The following MRPS6 variants were observed in gnomAD, a reference collection of about 807,000 sequenced individuals.
MRPS6 encodes the protein small ribosomal subunit protein bS6m.
In MRPS6, 6 loss-of-function variants were observed where a neutral mutation model predicts 13.1. The observed-to-expected ratio is 0.46, with a 90% confidence interval of 0.25 to 0.91. The LOEUF (loss-of-function observed/expected upper bound fraction) is 0.91, where lower values mean the gene tolerates loss of function less well. MRPS6 is among the 40% of genes least tolerant of loss of function. The probability of loss-of-function intolerance (pLI) is 0.18; values close to 1 mark genes in which losing one functional copy is unlikely to be tolerated. For synonymous variants in MRPS6, 61 were observed against 56.5 expected, an observed-to-expected ratio of 1.08 and a Z score of -0.36; for missense variants, 164 against 155.6, an observed-to-expected ratio of 1.05 and a Z score of -0.29.
At chr21:34,086,514 TG>T (rs1317953278) in intron 1 of MRPS6, among the ~76,000 whole-genome samples, 2 of 80,646 alleles carry the variant, frequency 2.5e-5, no homozygotes, top group Non-Finnish European at 5.1e-5. Flanking sequence ...TTCTAGTTTG[TG>T]TTTGTGTGTG....
At chr21:34,104,377 C>G (rs1447376435) in intron 1 of MRPS6, 11 of 1,000,092 alleles carry the variant, frequency 1.1e-5, no homozygotes, top group Non-Finnish European at 1.3e-5. Flanking sequence ...CTCCTCACTT[C>G]ACCTCCGAGT....
At chr21:34,076,399 A>C (rs1487333022) in intron 1 of MRPS6, among the ~76,000 whole-genome samples, 1 of 152,204 alleles carries the variant, frequency 6.6e-6, no homozygotes, top group African/African-American at 2.4e-5. Context: ...AGTTGCGGGA[A>C]TGCCCATTGA....
chr21:34,095,280 A>G (rs1188554414), intron 1 of MRPS6: 4 of 1,613,976 alleles, frequency 2.5e-6, no homozygotes, highest in Non-Finnish European at 2.5e-6. Context: ...TTTTTTTGCC[A>G]TGTGGAAATC....
At chr21:34,099,046 T>C in intron 1 of MRPS6, 1 of 990,386 alleles carries the variant, frequency 1.0e-6, no homozygotes, top group Non-Finnish European at 1.2e-6. Flanking sequence ...TGGACTTGAT[T>C]AGTCCAAAGT....
chr21:34,136,824 G>T (rs768575111), intron 2 of MRPS6, among the ~76,000 whole-genome samples: 5 of 152,052 alleles, frequency 3.3e-5, no homozygotes, highest in Non-Finnish European at 5.9e-5. Context: ...TGTGTCTAAG[G>T]AAACTTTGCT....
chr21:34,076,338 A>G (rs1355647833), intron 1 of MRPS6, among the ~76,000 whole-genome samples: 3 of 152,312 alleles, frequency 2.0e-5, no homozygotes, highest in East Asian at 3.9e-4. Flanking sequence ...TTTAAAATTT[A>G]AAATACAGGC....
chr21:34,132,638 C>A (rs565961208), intron 2 of MRPS6, among the ~76,000 whole-genome samples: 1 of 152,300 alleles, frequency 6.6e-6, no homozygotes, highest in South Asian at 2.1e-4. Flanking sequence ...GCAAGAGATA[C>A]AGTATACAGA....
intron 2 of MRPS6, 129 bp downstream of exon 2, chr21:34,125,609 C>A: frequency 7.4e-7 from 1 of 1,345,582 alleles, no homozygotes; most frequent in South Asian, 1.5e-5. Flanking sequence ...CCTTTGGGTA[C>A]ACACTCTGGC....
chr21:34,110,210 T>A (rs1468987672), intron 1 of MRPS6, among the ~76,000 whole-genome samples: 1 of 152,128 alleles, frequency 6.6e-6, no homozygotes, highest in African/African-American at 2.4e-5. Flanking sequence ...TGCCTGTAAT[T>A]CCAGCACTTT....
At chr21:34,093,543 T>G (rs1348533607) in intron 1 of MRPS6, among the ~76,000 whole-genome samples, 2 of 152,086 alleles carry the variant, frequency 1.3e-5, no homozygotes, top group Admixed American at 6.5e-5. Flanking sequence ...AGAGGTAGCT[T>G]TAGTATAATT....
At chr21:34,141,942 G>A (rs1359156813) in intron 2 of MRPS6, among the ~76,000 whole-genome samples, 3 of 152,176 alleles carry the variant, frequency 2.0e-5, no homozygotes, top group African/African-American at 7.2e-5. Context: ...CTTTTCCCAT[G>A]TTTGTGGGCT....
chr21:34,114,116 G>A (rs546102966), intron 1 of MRPS6, among the ~76,000 whole-genome samples: 1 of 152,278 alleles, frequency 6.6e-6, no homozygotes, highest in Non-Finnish European at 1.5e-5. Context: ...ATCTGTGAGT[G>A]CATCTGAAGG....
In MRPS6 at chr21:34,096,963, G is replaced by A. The variant is rs759153878; in HGVS notation, c.45+23218G>A. 4.3e-5 allele frequency: 69 copies of A among 1,613,990 alleles called. No homozygotes were observed. The highest frequency in any genetic ancestry group is 5.6e-5 in the Non-Finnish European group (66 of 1,179,990). ...GACCATCAACCACATCATTCCCAACGGGAAATCTGAAGACAGCATTAAGGG... is the reference window on the plus strand; with the variant it reads ...GACCATCAACCACATCATTCCCAACAGGAAATCTGAAGACAGCATTAAGGG... On this transcript the variant is annotated intron_variant, in intron 1 of 2. Transcript: ENST00000399312. The surrounding 1 kb of genome is among the most constrained non-coding windows in gnomAD (Gnocchi z 5.9).
At position 34,110,462 on chromosome 21, in the gene MRPS6, A is replaced by G. The variant is rs74788823; in HGVS notation, c.46-14879A>G. ...GCCACTGTACTCCAGCCTAGGCGGC[A>G]ACAGAGTGAGATCCTGTCTCATTAA... On this transcript the variant is annotated intron_variant, in intron 1 of 2. Transcript: ENST00000399312. 7.5e-3 allele frequency among the ~76,000 whole-genome samples: 1,143 copies of G among 152,232 alleles called. 15 individuals carry two copies. The highest frequency in any genetic ancestry group is 0.026 in the African/African-American group (1,066 of 41,544).
At position 34,096,790 on chromosome 21, in the gene MRPS6, T is replaced by G. The variant is rs1277308535; in HGVS notation, c.45+23045T>G. ...GGACTCATTACTGTAATTGTGAGCC[T>G]TCTCACACCACCTCCCACAAAGGAA... is the stretch of plus-strand genomic sequence containing the variant. On this transcript the variant is annotated intron_variant, in intron 1 of 2. Coordinates refer to ENST00000399312, the MANE Select transcript of MRPS6 (RefSeq NM_032476.4). The surrounding 1 kb of genome is among the most constrained non-coding windows in gnomAD (Gnocchi z 5.9). 2.5e-6 allele frequency: 4 copies of G among 1,614,004 alleles called. No homozygotes were observed. Among genetic ancestry groups the G allele is most frequent in the Non-Finnish European group, 3.4e-6 (4 of 1,179,940 alleles).
chr21:34,119,106 A>G (rs1489411875), intron 1 of MRPS6, among the ~76,000 whole-genome samples: 1 of 152,194 alleles, frequency 6.6e-6, no homozygotes, highest in Non-Finnish European at 1.5e-5. Context: ...TTCCTTAATT[A>G]CCTAGAGGAC....
At chr21:34,134,975 A>G (rs765223087) in intron 2 of MRPS6, among the ~76,000 whole-genome samples, 1 of 152,238 alleles carries the variant, frequency 6.6e-6, no homozygotes, top group African/African-American at 2.4e-5. Flanking sequence ...TTACGGGTTT[A>G]TCGAAATGCG....
At chr21:34,078,271 T>A (rs1047706076) in intron 1 of MRPS6, among the ~76,000 whole-genome samples, 2 of 152,164 alleles carry the variant, frequency 1.3e-5, no homozygotes, top group African/African-American at 2.4e-5. Flanking sequence ...GACTTGACCC[T>A]GTGAACAATG....
At chr21:34,141,097 C>T (rs1161673075) in intron 2 of MRPS6, among the ~76,000 whole-genome samples, 2 of 152,228 alleles carry the variant, frequency 1.3e-5, no homozygotes, top group Non-Finnish European at 2.9e-5. Flanking sequence ...TCAACTTGAT[C>T]TTCCCAGCTT....
Sources: gnomAD v4.1 joint callset for allele counts (sites outside exome capture counted in the v4.1 genomes callset) on GRCh38, gnomAD v4.1.1 for gene constraint, Gnocchi (gnomAD v3.1) non-coding constraint, MANE v1.5 for transcripts, NCBI Gene and HGNC (gene_info 2026-07-23, HGNC 2026-07-21) for gene names.